CEP89: variants seen among roughly 807,000 people sequenced by gnomAD.
The protein encoded by CEP89 is centrosomal protein of 89 kDa.
CEP89 carries 95 observed loss-of-function variants against 97.6 expected under a neutral mutation model. The observed-to-expected ratio is 0.97, with a 90% CI of 0.82 to 1.15. The LOEUF is 1.15. CEP89 is among the 50% of genes most tolerant of loss of function. The pLI, the probability that CEP89 is intolerant of heterozygous loss-of-function variation, is 0.00. For missense variants in CEP89, 869 were observed against 947.7 expected (o/e 0.92, Z 1.09); for synonymous variants, 354 against 349.1 (o/e 1.01, Z -0.16).
chr19:32,955,609 G>A lies in CEP89; in HGVS notation c.306-1808C>T, dbSNP rs192278696. On this transcript the variant is annotated intron_variant, in intron 3 of 18. Coordinates refer to ENST00000305768, the MANE Select transcript of CEP89 (RefSeq NM_032816.5). ...GTGCACTGCCACCTCCGCTTCCCGC[G>A]TTCAAGTGATTCTCCTGCCTCAGCC... Among the ~76,000 whole-genome samples the A allele has an allele frequency of 3.7e-3, 569 of 152,200 alleles. 4 individuals are homozygous for A. Among genetic ancestry groups the A allele is most frequent in the African/African-American group, 0.013 (542 of 41,548 alleles).
chr19:32,955,684 T>C (rs556944608), intron 3 of CEP89, among the ~76,000 whole-genome samples: 1 of 152,140 alleles, frequency 6.6e-6, no homozygotes, highest in Admixed American at 6.5e-5. Flanking sequence ...TGGCTAATTT[T>C]TGTATTTTTA....
At chr19:32,948,750 G>C (rs1030489218) in intron 4 of CEP89, among the ~76,000 whole-genome samples, 5 of 151,790 alleles carry the variant, frequency 3.3e-5, no homozygotes, top group South Asian at 2.1e-4. Flanking sequence ...TTTTGAGACA[G>C]GGTCTCCTCT....
At chr19:32,887,494 C>T (rs1200722956) in intron 17 of CEP89, among the ~76,000 whole-genome samples, 1 of 152,114 alleles carries the variant, frequency 6.6e-6, no homozygotes, top group Admixed American at 6.5e-5. Flanking sequence ...ACTGAGATTA[C>T]AGCGTGAGCC....
chr19:32,925,103 T>C (rs998808896), intron 11 of CEP89, among the ~76,000 whole-genome samples: 1 of 152,148 alleles, frequency 6.6e-6, no homozygotes, highest in African/African-American at 2.4e-5. Context: ...CATCACTGAT[T>C]AGGAACAAGC....
At position 32,936,992 on chromosome 19, in the gene CEP89, A is replaced by G. The variant is rs1970593405; in HGVS notation, c.667+639T>C. 6.5e-6 allele frequency: 1 copy of G among 153,896 alleles called. No homozygotes were observed. Among genetic ancestry groups the G allele is most frequent in the Non-Finnish European group, 1.4e-5 (1 of 69,596 alleles). The allele number at this position is 153,896 out of a possible 1,614,324, so 9.5% of individuals were successfully genotyped here. Reference sequence around the variant, plus strand: ...AGTAAAGCTCCTCTTCGTCTTGCTCACCCTCCACTTGTCTGCTTACCTCAT... The same window carrying G: ...AGTAAAGCTCCTCTTCGTCTTGCTCGCCCTCCACTTGTCTGCTTACCTCAT... On this transcript the variant is annotated intron_variant, in intron 7 of 18. Coordinates refer to ENST00000305768, the MANE Select transcript of CEP89 (RefSeq NM_032816.5). This position sits in a 1 kb window ranked among gnomAD's most constrained non-coding sequence, Gnocchi z 4.5.
At chr19:32,900,888 C>CTTTTTT (rs34188586) in intron 15 of CEP89, among the ~76,000 whole-genome samples, 24,597 of 137,438 alleles carry the variant, frequency 0.18, 2,596 homozygotes, top group East Asian at 0.49. Context: ...CTTCATTTGT[C>CTTTTTT]TTTTTTTTTT....
In CEP89 at chr19:32,914,939, T is replaced by C. The variant is rs184344495; in HGVS notation, c.1565+398A>G. 5.9e-5 allele frequency among the ~76,000 whole-genome samples: 9 copies of C among 152,060 alleles called. No homozygotes were observed. In the East Asian group the frequency reaches 1.6e-3, roughly 26 times the overall value. On this transcript the variant is annotated intron_variant, in intron 14 of 18. Coordinates refer to ENST00000305768, the MANE Select transcript of CEP89 (RefSeq NM_032816.5). Reference sequence around the variant, plus strand: ...CAGGAGGCTGAGGCAGGAGAATCACTTGAACCCAGGAGGTGGAGGTTACAG... The same window carrying C: ...CAGGAGGCTGAGGCAGGAGAATCACCTGAACCCAGGAGGTGGAGGTTACAG...
intron 6 of CEP89, among the ~76,000 whole-genome samples, chr19:32,938,659 T>TCAGGC (rs1464133840): frequency 6.6e-6 from 1 of 152,204 alleles, no homozygotes; most frequent in Non-Finnish European, 1.5e-5. Flanking sequence ...ATTAAAATTC[T>TCAGGC]CAGGCCAGGC....
intron 1 of CEP89, among the ~76,000 whole-genome samples, chr19:32,968,616 A>G (rs577878080): frequency 6.6e-6 from 1 of 152,144 alleles, no homozygotes; most frequent in African/African-American, 2.4e-5. Context: ...AAGGCTGCAT[A>G]AGATTTTTTT....
chr19:32,942,259 C>T (rs535576854), intron 5 of CEP89, among the ~76,000 whole-genome samples: 1 of 152,010 alleles, frequency 6.6e-6, no homozygotes, highest in African/African-American at 2.4e-5. Context: ...AACACACCTG[C>T]AGTCCCAGCT....
At chr19:32,884,276 A>G (rs1463054869) in intron 17 of CEP89, among the ~76,000 whole-genome samples, 1 of 152,210 alleles carries the variant, frequency 6.6e-6, no homozygotes, top group Non-Finnish European at 1.5e-5. Flanking sequence ...TGTTTGCAGA[A>G]ATCTGGGTTA....
chr19:32,917,907 A>G (rs1308206104), intron 13 of CEP89: 1 of 472,484 alleles, frequency 2.1e-6, no homozygotes, highest in Non-Finnish European at 2.8e-6. Flanking sequence ...GTGTTATTTC[A>G]GATGTTTACC....
At chr19:32,918,188 T>C (rs1017444607) in intron 13 of CEP89, 36 bp downstream of exon 13, 3 of 1,466,388 alleles carry the variant, frequency 2.0e-6, no homozygotes, top group Non-Finnish European at 2.9e-6. Flanking sequence ...AATAGTGACA[T>C]CAATGCATGA....
At chr19:32,954,059 C>T (rs1186971489) in intron 3 of CEP89, among the ~76,000 whole-genome samples, 1 of 151,394 alleles carries the variant, frequency 6.6e-6, no homozygotes, top group Admixed American at 6.6e-5. Flanking sequence ...ATTTTTAGTA[C>T]AGATGGGGTT....
At chr19:32,880,879 G>A (rs1488053374) in intron 18 of CEP89, among the ~76,000 whole-genome samples, 1 of 152,122 alleles carries the variant, frequency 6.6e-6, no homozygotes, top group Non-Finnish European at 1.5e-5. Flanking sequence ...GATCAAGAGT[G>A]ACAGAAAATC....
chr19:32,936,274 C>T lies in CEP89; in HGVS notation c.667+1357G>A, dbSNP rs572200131. 6.6e-6 allele frequency among the ~76,000 whole-genome samples: 1 copy of T among 152,160 alleles called. No homozygotes were observed. The highest frequency in any genetic ancestry group is 2.1e-4 in the South Asian group (1 of 4,824). ...TCAGGGCAGTACTGACACGACAGCG[C>T]CCTGCCGCCTCAGCCCCCTCCAGAC... On this transcript the variant is annotated intron_variant, in intron 7 of 18. Transcript: ENST00000305768. The surrounding 1 kb of genome is among the most constrained non-coding windows in gnomAD (Gnocchi z 4.5).
At chr19:32,935,175 G>T (rs1414623363) in intron 7 of CEP89, among the ~76,000 whole-genome samples, 1 of 152,146 alleles carries the variant, frequency 6.6e-6, no homozygotes, top group African/African-American at 2.4e-5. Flanking sequence ...GGGTCCCCAC[G>T]GATCCCGGTG....
chr19:32,909,207 T>A (rs908760505), intron 14 of CEP89, among the ~76,000 whole-genome samples: 3 of 152,198 alleles, frequency 2.0e-5, no homozygotes, highest in Non-Finnish European at 2.9e-5. Context: ...CTAAGGAAAT[T>A]TAGCAAACTC....
chr19:32,952,678 C>T (rs1018547595), intron 4 of CEP89, among the ~76,000 whole-genome samples: 5 of 151,452 alleles, frequency 3.3e-5, no homozygotes, highest in Admixed American at 6.6e-5. Context: ...CTGAGGCAGG[C>T]GGATCGCTTG....
Sources: allele counts gnomAD v4.1 joint callset (sites outside exome capture counted in the v4.1 genomes callset), GRCh38; gene constraint gnomAD v4.1.1; non-coding constraint Gnocchi (gnomAD v3.1); transcripts MANE v1.5; gene names NCBI Gene and HGNC (gene_info 2026-07-23, HGNC 2026-07-21).